Variants in FOXP1 observed in about 807,000 individuals in gnomAD.
FOXP1 encodes the protein forkhead box protein P1.
A neutral mutation model predicts 98.2 loss-of-function variants in FOXP1; 15 were observed. The observed-to-expected ratio is 0.15, with a 90% CI of 0.10 to 0.24. The LOEUF (loss-of-function observed/expected upper bound fraction) is 0.24. Among genes scored for constraint, FOXP1 ranks in the 10% least tolerant of loss-of-function variants. The pLI is 1.00. For synonymous variants in FOXP1, 371 were observed against 314.5 expected (o/e 1.18, Z -1.90); for missense variants, 633 against 848.5 (o/e 0.75, Z 3.15).
chr3:71,583,887 G>A, upstream of FOXP1: 1 of 985,050 alleles, frequency 1.0e-6, no homozygotes. Flanking sequence ...CTCCCGCAGG[G>A]GTCCCCTCTC....
chr3:71,000,304 TA>T (rs2041949469), intron 13 of FOXP1, among the ~76,000 whole-genome samples: 2 of 460 alleles, frequency 4.3e-3, no homozygotes, highest in Admixed American at 9.4e-3. Context: ...CTAGATTTTA[TA>T]TATATATATA....
intron 1 of FOXP1, chr3:71,581,953 CA>C: frequency 1.1e-6 from 1 of 949,782 alleles, no homozygotes; most frequent in Non-Finnish European, 1.2e-6. Flanking sequence ...GTTGCAACAA[CA>C]AAAAGGAGGG....
chr3:71,532,088 C>T (rs2043899394), intron 2 of FOXP1, among the ~76,000 whole-genome samples: 1 of 152,124 alleles, frequency 6.6e-6, no homozygotes, highest in Non-Finnish European at 1.5e-5. Flanking sequence ...CATCACCTGG[C>T]ACAGCAAAGA....
chr3:71,267,298 T>C (rs2069790273), intron 5 of FOXP1, among the ~76,000 whole-genome samples: 1 of 152,174 alleles, frequency 6.6e-6, no homozygotes, highest in South Asian at 2.1e-4. Context: ...GAGTGGTCCT[T>C]TTTTCTTACA....
At chr3:71,526,141 C>T (rs761110219) in intron 2 of FOXP1, among the ~76,000 whole-genome samples, 2 of 75,770 alleles carry the variant, frequency 2.6e-5, no homozygotes, top group Admixed American at 1.1e-4. Flanking sequence ...AATAAATAAA[C>T]AAACAAACAA....
intron 7 of FOXP1, among the ~76,000 whole-genome samples, chr3:71,074,187 C>A (rs1374629624): frequency 1.3e-5 from 2 of 152,138 alleles, no homozygotes; most frequent in Non-Finnish European, 2.9e-5. Context: ...TTATTGTGCC[C>A]ACTTAACAGA....
chr3:71,449,308 T>C (rs958692913), intron 3 of FOXP1, among the ~76,000 whole-genome samples: 2 of 152,144 alleles, frequency 1.3e-5, no homozygotes, highest in Admixed American at 6.5e-5. Flanking sequence ...AAGATCAGCA[T>C]TGACAGCAAA....
chr3:71,522,119 G>C (rs2043038441), intron 2 of FOXP1, among the ~76,000 whole-genome samples: 1 of 152,136 alleles, frequency 6.6e-6, no homozygotes, highest in African/African-American at 2.4e-5. Flanking sequence ...GCAATTGCAA[G>C]TACACCCTTG....
chr3:71,181,952 G>A (rs888173725), intron 6 of FOXP1, among the ~76,000 whole-genome samples: 3 of 151,012 alleles, frequency 2.0e-5, no homozygotes, highest in Admixed American at 1.3e-4. Flanking sequence ...GGAGAATGGC[G>A]TGAACCTGGG....
Position 71,176,550 on chromosome 3 carries a change from C to T in FOXP1, c.180+21652G>A, listed in dbSNP as rs140109936. The stretch of plus-strand genomic sequence containing the variant: ...ATGCTGCAAACGTCACCACCAGAGG[C>T]ACTGCCGAATTTCTGCTATTTCTGG... On this transcript the variant is annotated intron_variant, in intron 6 of 20. Transcript: ENST00000649528. Among the ~76,000 whole-genome samples the T allele has an allele frequency of 4.0e-3, 613 of 152,160 alleles. 7 individuals are homozygous for T. The highest frequency in any genetic ancestry group is 0.014 in the African/African-American group (578 of 41,498).
chr3:71,044,481 A>G (rs1339328863), intron 10 of FOXP1, among the ~76,000 whole-genome samples: 1 of 152,226 alleles, frequency 6.6e-6, no homozygotes, highest in Non-Finnish European at 1.5e-5. Flanking sequence ...AACCTTAAAA[A>G]CAACACAAAA....
At chr3:71,516,586 C>T (rs756273718) in intron 2 of FOXP1, among the ~76,000 whole-genome samples, 5 of 152,162 alleles carry the variant, frequency 3.3e-5, no homozygotes, top group Non-Finnish European at 7.4e-5. Context: ...TGGCTCATGC[C>T]TGTAATCCTA....
chr3:71,514,330 A>G lies in FOXP1; in HGVS notation c.-297-20775T>C, dbSNP rs151297809. ...CCTTTAAAAAGAACTACTTGGCGTC[A>G]CAATCAAAAGCACAGCCCACTCTCA... On this transcript the variant is annotated intron_variant, in intron 2 of 20. Coordinates refer to ENST00000649528, the MANE Select transcript of FOXP1 (RefSeq NM_001349338.3). Among the ~76,000 whole-genome samples, 933 of 152,326 alleles carry G rather than the reference A, an allele frequency of 6.1e-3. 5 individuals carry two copies. Among genetic ancestry groups the G allele is most frequent in the Middle Eastern group, 0.02 (6 of 294 alleles).
intron 4 of FOXP1, among the ~76,000 whole-genome samples, chr3:71,308,476 A>C (rs935635923): frequency 2.6e-5 from 4 of 152,206 alleles, no homozygotes; most frequent in African/African-American, 9.7e-5. Context: ...CTGATCAGAT[A>C]CGATGCGTAC....
At chr3:71,103,059 T>C (rs1460712343) in intron 7 of FOXP1, among the ~76,000 whole-genome samples, 1 of 152,234 alleles carries the variant, frequency 6.6e-6, no homozygotes, top group African/African-American at 2.4e-5. Context: ...CTCAGTTTCC[T>C]GTTTGAAAAC....
intron 6 of FOXP1, among the ~76,000 whole-genome samples, chr3:71,145,373 C>T (rs1440968586): frequency 1.3e-5 from 2 of 151,892 alleles, no homozygotes; most frequent in Non-Finnish European, 2.9e-5. Flanking sequence ...CCTGTCTCTA[C>T]TAATAACACA....
At chr3:71,255,745 C>T (rs1031706466) in intron 5 of FOXP1, among the ~76,000 whole-genome samples, 1 of 152,098 alleles carries the variant, frequency 6.6e-6, no homozygotes, top group Non-Finnish European at 1.5e-5. Context: ...GACAAATACA[C>T]ATATTATGTT....
At chr3:71,009,689 T>G (rs2043304163) in intron 12 of FOXP1, among the ~76,000 whole-genome samples, 1 of 152,158 alleles carries the variant, frequency 6.6e-6, no homozygotes, top group African/African-American at 2.4e-5. Flanking sequence ...GTTCTAACGC[T>G]TTTAAAGAGT....
intron 6 of FOXP1, among the ~76,000 whole-genome samples, chr3:71,162,104 A>G (rs983709930): frequency 6.6e-6 from 1 of 152,222 alleles, no homozygotes; most frequent in African/African-American, 2.4e-5. Flanking sequence ...CGAAGTAGAC[A>G]CCAAGCATAC....
Sources: allele counts gnomAD v4.1 joint callset (sites outside exome capture counted in the v4.1 genomes callset), GRCh38; gene constraint gnomAD v4.1.1; transcripts MANE v1.5; gene names NCBI Gene and HGNC (gene_info 2026-07-23, HGNC 2026-07-21).